MYLK3: variants seen among roughly 807,000 people sequenced by gnomAD.
MYLK3 encodes MLC kinase.
MYLK3 carries 55 observed loss-of-function variants against 76.3 expected under a neutral mutation model. The observed-to-expected ratio is 0.72, with a 90% CI of 0.58 to 0.90. MYLK3 has a LOEUF of 0.90. Ranked by LOEUF, MYLK3 falls within the 40% of genes least tolerant of loss-of-function variation. The probability of loss-of-function intolerance (pLI) is 0.00; values close to 1 mark genes in which losing one functional copy is unlikely to be tolerated. For missense variants in MYLK3, 973 were observed against 1,053.6 expected, an observed-to-expected ratio of 0.92 and a Z score of 1.06; for synonymous variants, 416 against 425.4, an observed-to-expected ratio of 0.98 and a Z score of 0.27.
At chr16:46,757,770 T>G (rs1967219421) in intron 1 of MYLK3, among the ~76,000 whole-genome samples, 1 of 152,294 alleles carries the variant, frequency 6.6e-6, no homozygotes, top group South Asian at 2.1e-4. Flanking sequence ...CTGCATCACT[T>G]AGCAAAGTGT....
rs1460140690 is a variant in MYLK3 at position 46,704,085 on chromosome 16, T to G, written c.*3619A>C. On this transcript the variant is annotated 3_prime_UTR_variant, in exon 13 of 13. Coordinates refer to ENST00000394809, the MANE Select transcript of MYLK3 (RefSeq NM_182493.3). ...AAAACCTAGCATCTGAATTGACAGG[T>G]TTTTTTTTGTTTTGTTTGTTTGTTT... is the stretch of plus-strand genomic sequence containing the variant. The G allele has an allele frequency of 3.4e-5, 5 of 147,884 alleles. No homozygotes were observed. The highest frequency in any genetic ancestry group is 2.1e-4 in the South Asian group (1 of 4,694). 9.2% of individuals were successfully genotyped at this position (147,884 alleles called of 1,614,324 possible).
In MYLK3 at chr16:46,732,395, G is replaced by A; in HGVS notation, c.1275C>T (p.Gly425=). The A allele has an allele frequency of 6.2e-7, 1 of 1,613,582 alleles. No homozygotes were observed. The highest frequency in any genetic ancestry group is 8.5e-7 in the Non-Finnish European group (1 of 1,180,010). The part of the protein sequence containing the change: ...EEEQRAGAEP[G]TRPSLARSDD... ...CACTCCTGGCCAAGCTTGGTCTCGT[G>A]CCAGGCTCGGCCCCAGCCCTTTGCT... The change falls in exon 4 of 13, where the codon GGC becomes GGT. Residue 425 remains glycine (G), a synonymous_variant. Coordinates refer to ENST00000394809, the MANE Select transcript of MYLK3 (RefSeq NM_182493.3).
At chr16:46,754,451 T>C (rs762829879) in intron 1 of MYLK3, among the ~76,000 whole-genome samples, 30 of 152,124 alleles carry the variant, frequency 2.0e-4, no homozygotes, top group Non-Finnish European at 4.1e-4. Context: ...TATGGGTTAA[T>C]GGATGAATAG....
chr16:46,730,728 C>T, intron 4 of MYLK3, 30 bp from the exon 5 acceptor site: 2 of 1,602,772 alleles, frequency 1.2e-6, no homozygotes, highest in Non-Finnish European at 8.5e-7. Flanking sequence ...GACCTGTGAG[C>T]CTCCTCTGTG....
At chr16:46,711,644 G>T (rs750744383) in intron 10 of MYLK3, 4 of 441,282 alleles carry the variant, frequency 9.1e-6, no homozygotes, top group South Asian at 6.4e-5. Context: ...CCAAAGTGCT[G>T]GGATTATAGG....
chr16:46,732,266 C>T lies in MYLK3; in HGVS notation c.1404G>A (p.Val468=), dbSNP rs746213672. Residue 468 remains valine, a synonymous_variant, in exon 4 of 13, where the codon GTG becomes GTA. Transcript: ENST00000394809. ...GCATCCTCCTTACTGCTTCAGCTCT[C>T]ACCGGAGCCCTGGCTGCACAGTCCT... ...PEQDCAARAP[V]RAEAVRRMPP... 1.4e-5 allele frequency: 22 copies of T among 1,605,408 alleles called. No homozygotes were observed. The highest frequency in any genetic ancestry group is 1.8e-5 in the Non-Finnish European group (21 of 1,179,618).
chr16:46,723,610 A>C (rs1011558888), intron 8 of MYLK3, among the ~76,000 whole-genome samples: 1 of 151,106 alleles, frequency 6.6e-6, no homozygotes, highest in Middle Eastern at 3.2e-3. Context: ...CCCCACCAGC[A>C]ATGTATGAGG....
chr16:46,741,661 C>A (rs1414896549), intron 1 of MYLK3, among the ~76,000 whole-genome samples: 1 of 151,990 alleles, frequency 6.6e-6, no homozygotes, highest in African/African-American at 2.4e-5. Context: ...TCAGTGAGTG[C>A]CTTACACCTG....
At chr16:46,740,938 A>T (rs975822090) in intron 1 of MYLK3, among the ~76,000 whole-genome samples, 10 of 152,186 alleles carry the variant, frequency 6.6e-5, no homozygotes, top group Non-Finnish European at 1.5e-4. Flanking sequence ...TCTGAAGTCA[A>T]ATCCATGCTT....
At position 46,747,701 on chromosome 16, in the gene MYLK3, G is replaced by A; in HGVS notation, c.477+16C>T. 1 of 1,604,906 alleles carries A rather than the reference G, an allele frequency of 6.2e-7. No homozygotes were observed. The highest frequency in any genetic ancestry group is 8.5e-7 in the Non-Finnish European group (1 of 1,174,352). On this transcript the variant is annotated intron_variant, in intron 1 of 12. Coordinates refer to ENST00000394809, the MANE Select transcript of MYLK3 (RefSeq NM_182493.3). ...GGGGCCTCCCATCCAGCCAGGGCAG[G>A]GAAGCAGGAACCAACCTCCTCAGGG...
chr16:46,747,129 C>A (rs1424595375), intron 1 of MYLK3, among the ~76,000 whole-genome samples: 1 of 152,190 alleles, frequency 6.6e-6, no homozygotes, highest in African/African-American at 2.4e-5. Context: ...CTTCCATTAG[C>A]CTGCAGGATT....
In MYLK3 at chr16:46,703,975, T is replaced by C. The variant is rs1230329280; in HGVS notation, c.*3729A>G. 1 of 153,586 alleles carries C rather than the reference T, an allele frequency of 6.5e-6. No homozygotes were observed. The highest frequency in any genetic ancestry group is 6.5e-5 in the Admixed American group (1 of 15,276). The allele number at this position is 153,586 out of a possible 1,614,324, so 9.5% of individuals were successfully genotyped here. ...ACTTCAGTTATTGGAAAACAGTGAG[T>C]TATGTTTCAAACAACTTGAGTATGT... On this transcript the variant is annotated 3_prime_UTR_variant, in exon 13 of 13. Coordinates refer to ENST00000394809, the MANE Select transcript of MYLK3 (RefSeq NM_182493.3).
At chr16:46,725,516 A>G (rs1966839152) in intron 8 of MYLK3, among the ~76,000 whole-genome samples, 1 of 152,188 alleles carries the variant, frequency 6.6e-6, no homozygotes, top group Non-Finnish European at 1.5e-5. Flanking sequence ...ATTTTTTCTC[A>G]TCTATTAAAA....
intron 1 of MYLK3, among the ~76,000 whole-genome samples, chr16:46,746,505 C>A (rs1967026020): frequency 6.6e-6 from 1 of 152,174 alleles, no homozygotes; most frequent in Admixed American, 6.5e-5. Flanking sequence ...ACCGAAGCCT[C>A]CATTTCCAGG....
intron 4 of MYLK3, 73 bp downstream of exon 4, chr16:46,732,135 A>T (rs1238528852): frequency 1.5e-6 from 2 of 1,301,640 alleles, no homozygotes; most frequent in African/African-American, 3.0e-5. Flanking sequence ...CTACAGGAAG[A>T]CTCCCCAGGA....
Position 46,738,000 on chromosome 16 carries a change from CA to C in MYLK3, c.711del (p.Gly238AlafsTer61). 1 of 1,613,716 alleles carries C rather than the reference CA, an allele frequency of 6.2e-7. No individual in the cohort carries two copies. The highest frequency in any genetic ancestry group is 8.5e-7 in the Non-Finnish European group (1 of 1,179,978). ...ACCTTTGTGGGCAGGGGCAGGTGGC[CA>C]GGGAATGCCTGGGCTGGGCCAGGAA... ...DGVPGPAQAFPGHLPLPTKVE... is the reference protein window; with the variant it reads ...DGVPGPAQAFXGHLPLPTKVE... On this transcript the variant is annotated frameshift_variant, in exon 3 of 13. Transcript: ENST00000394809. LOFTEE classifies it high-confidence loss of function.
intron 4 of MYLK3, among the ~76,000 whole-genome samples, chr16:46,731,391 A>C (rs1966852271): frequency 6.6e-6 from 1 of 152,260 alleles, no homozygotes; most frequent in African/African-American, 2.4e-5. Flanking sequence ...GAATACCTAG[A>C]AATGTTACAG....
At position 46,738,061 on chromosome 16, in the gene MYLK3, G is replaced by A. The variant is rs1410769357; in HGVS notation, c.651C>T (p.Ala217=). 2 of 1,606,876 alleles carry A rather than the reference G, an allele frequency of 1.2e-6. No individual in the cohort carries two copies. The highest frequency in any genetic ancestry group is 1.7e-6 in the Non-Finnish European group (2 of 1,177,832). The change falls in exon 3 of 13, where the codon GCC becomes GCT. Residue 217 remains alanine (A), a synonymous_variant. Coordinates refer to ENST00000394809, the MANE Select transcript of MYLK3 (RefSeq NM_182493.3). ...IRASGLGADP[A]QAVVSPGQGD... ...CCTGGCCCGGTGAGACCACTGCCTG[G>A]GCGGGGTCAGCTCCCAGCCCTGACG...
rs763093583 is a variant in MYLK3, at chr16:46,710,874, A to G, written c.2115-85T>C. On this transcript the variant is annotated intron_variant, in intron 10 of 12. Coordinates refer to ENST00000394809, the MANE Select transcript of MYLK3 (RefSeq NM_182493.3). ...CAGAATAGAGAAGCTTACAGAGTTC[A>G]AGTGGACCTAGCCAGAACCAAGAGG... 10 of 1,538,400 alleles carry G rather than the reference A, an allele frequency of 6.5e-6. No homozygotes were observed. The East Asian group carries it at 2.0e-4, about 31-fold the overall frequency.
Sources: gnomAD v4.1 joint callset for allele counts (sites outside exome capture counted in the v4.1 genomes callset) on GRCh38, gnomAD v4.1.1 for gene constraint, MANE v1.5 for transcripts, NCBI Gene and HGNC (gene_info 2026-07-23, HGNC 2026-07-21) for gene names.